SNTG1: variants seen among roughly 807,000 people sequenced by gnomAD.
SNTG1 encodes the protein gamma-1-syntrophin.
In SNTG1, 39 loss-of-function variants were observed where a neutral mutation model predicts 74.7. The observed-to-expected ratio is 0.52, with a 90% CI of 0.40 to 0.68. The LOEUF (loss-of-function observed/expected upper bound fraction) is 0.68. Ranked by LOEUF, SNTG1 falls within the 30% of genes least tolerant of loss-of-function variation. The pLI, the probability that SNTG1 is intolerant of heterozygous loss-of-function variation, is 0.00. For missense variants in SNTG1, 685 were observed against 609.5 expected (o/e 1.12, Z -1.30); for synonymous variants, 254 against 217.1 (o/e 1.17, Z -1.49).
intron 1 of SNTG1, among the ~76,000 whole-genome samples, chr8:50,065,900 G>T (rs577075791): frequency 6.6e-6 from 1 of 152,044 alleles, no homozygotes; most frequent in African/African-American, 2.4e-5. Flanking sequence ...CTCCTTTCCC[G>T]TGATAGTTTC....
intron 1 of SNTG1, among the ~76,000 whole-genome samples, chr8:50,140,216 G>A (rs987506197): frequency 6.6e-6 from 1 of 152,104 alleles, no homozygotes; most frequent in African/African-American, 2.4e-5. Flanking sequence ...TTTAAAGAGG[G>A]GTCAACTGAT....
At chr8:50,375,047 A>C (rs1268912285) in intron 2 of SNTG1, among the ~76,000 whole-genome samples, 1 of 152,204 alleles carries the variant, frequency 6.6e-6, no homozygotes, top group Non-Finnish European at 1.5e-5. Context: ...AGTAACATTT[A>C]AACAACATGT....
In SNTG1 at chr8:50,581,142, A is replaced by G. The variant is rs140521825; in HGVS notation, c.811-9737A>G. Reference sequence around the variant, plus strand: ...CCTAAAATATTATTCTTAATCATCCATCTTATCAAGAGCACATAAAATTAT... The same window carrying G: ...CCTAAAATATTATTCTTAATCATCCGTCTTATCAAGAGCACATAAAATTAT... On this transcript the variant is annotated intron_variant, in intron 12 of 18. Coordinates refer to ENST00000642720, the MANE Select transcript of SNTG1 (RefSeq NM_018967.5). 1.2e-4 allele frequency among the ~76,000 whole-genome samples: 18 copies of G among 152,346 alleles called. No individual in the cohort carries two copies. The East Asian group carries it at 3.3e-3, about 28-fold the overall frequency.
chr8:50,386,369 C>T (rs1050025438), intron 2 of SNTG1, among the ~76,000 whole-genome samples: 5 of 151,928 alleles, frequency 3.3e-5, no homozygotes, highest in African/African-American at 1.2e-4. Context: ...TGGTTTTTTC[C>T]CTTCTTTAAT....
At position 50,323,106 on chromosome 8, in the gene SNTG1, GGA is replaced by G. The variant is rs1491151407; in HGVS notation, c.-27-71105_-27-71104del. The stretch of plus-strand genomic sequence containing the variant: ...CTGGGCAACAGAGCAAGACTTGTCT[GGA>G]AAAAAAAAAAAAAAAGATACTCTGA... On this transcript the variant is annotated intron_variant, in intron 2 of 18. Coordinates refer to ENST00000642720, the MANE Select transcript of SNTG1 (RefSeq NM_018967.5). Among the ~76,000 whole-genome samples the G allele has an allele frequency of 4.9e-3, 209 of 42,450 alleles. No homozygotes were observed. In the East Asian group the frequency reaches 0.091, roughly 19 times the overall value. 27.8% of individuals were successfully genotyped at this position (42,450 alleles called of 152,430 possible).
intron 2 of SNTG1, among the ~76,000 whole-genome samples, chr8:50,200,605 C>T (rs766042171): frequency 1.3e-5 from 2 of 152,064 alleles, no homozygotes; most frequent in Non-Finnish European, 2.9e-5. Context: ...CCAGGGATGC[C>T]CTTCCTCAAC....
intron 11 of SNTG1, among the ~76,000 whole-genome samples, chr8:50,542,315 C>T (rs1403495529): frequency 2.6e-5 from 4 of 151,558 alleles, no homozygotes; most frequent in African/African-American, 7.3e-5. Flanking sequence ...CCCACCATGC[C>T]CTGCTAATTT....
chr8:50,229,131 A>G (rs1175897006), intron 2 of SNTG1, among the ~76,000 whole-genome samples: 1 of 151,582 alleles, frequency 6.6e-6, no homozygotes, highest in African/African-American at 2.4e-5. Context: ...CTAAAAATGT[A>G]TGGTGGATAT....
chr8:50,052,557 T>A (rs911803112), intron 1 of SNTG1, among the ~76,000 whole-genome samples: 1 of 151,950 alleles, frequency 6.6e-6, no homozygotes, highest in African/African-American at 2.4e-5. Flanking sequence ...AAGGAAAAAA[T>A]TTAAAAGTAG....
At chr8:50,765,403 G>T (rs1330471175) in intron 18 of SNTG1, among the ~76,000 whole-genome samples, 1 of 151,948 alleles carries the variant, frequency 6.6e-6, no homozygotes, top group African/African-American at 2.4e-5. Context: ...CCACTATCTT[G>T]TTTGGGGGAT....
intron 2 of SNTG1, among the ~76,000 whole-genome samples, chr8:50,254,867 A>T (rs1275998457): frequency 7.1e-6 from 1 of 141,324 alleles, no homozygotes; most frequent in Non-Finnish European, 1.6e-5. Flanking sequence ...AAAAAAAAAA[A>T]GAAAGAAAGA....
intron 2 of SNTG1, among the ~76,000 whole-genome samples, chr8:50,224,168 G>GTT (rs34793689): frequency 2.6e-5 from 4 of 152,080 alleles, no homozygotes; most frequent in Non-Finnish European, 5.9e-5. Flanking sequence ...GTACATTACA[G>GTT]AAAACTTAAA....
intron 2 of SNTG1, among the ~76,000 whole-genome samples, chr8:50,384,943 C>A (rs2092550629): frequency 6.6e-6 from 1 of 151,982 alleles, no homozygotes; most frequent in African/African-American, 2.4e-5. Flanking sequence ...GACTTGGTGT[C>A]CCATGGTTAA....
intron 15 of SNTG1, among the ~76,000 whole-genome samples, chr8:50,675,872 G>A (rs2095307644): frequency 6.6e-6 from 1 of 151,970 alleles, no homozygotes; most frequent in Admixed American, 6.6e-5. Flanking sequence ...AAATCTCTCA[G>A]CATTTGCTTG....
chr8:50,225,032 G>A (rs944935709), intron 2 of SNTG1, among the ~76,000 whole-genome samples: 3 of 151,822 alleles, frequency 2.0e-5, no homozygotes, highest in Admixed American at 6.6e-5. Flanking sequence ...GTGCAGTGGC[G>A]TGATCTCCAC....
rs115980753 is a variant in SNTG1 at position 50,633,196 on chromosome 8, G to T, written c.850-23713G>T. ...AATTTGAGAAAAGGGTATAGGAAGA[G>T]AATTGAAAAGTAAGTTCAAAAACAG... On this transcript the variant is annotated intron_variant, in intron 13 of 18. Transcript: ENST00000642720. Among the ~76,000 whole-genome samples, 671 of 152,312 alleles carry T rather than the reference G, an allele frequency of 4.4e-3. 5 individuals are homozygous for T. The highest frequency in any genetic ancestry group is 0.015 in the African/African-American group (636 of 41,564).
At chr8:50,606,729 T>A (rs1036057758) in intron 13 of SNTG1, among the ~76,000 whole-genome samples, 1 of 151,958 alleles carries the variant, frequency 6.6e-6, no homozygotes, top group Non-Finnish European at 1.5e-5. Context: ...CTTTAGCATG[T>A]TGATGAAATA....
At position 50,233,241 on chromosome 8, in the gene SNTG1, C is replaced by T. The variant is rs189224765; in HGVS notation, c.-28+60606C>T. On this transcript the variant is annotated intron_variant, in intron 2 of 18. Transcript: ENST00000642720. Reference sequence around the variant, plus strand: ...GATCAATGGACCGGAAGAGATGGCCCTAAAATAGTCACATACAAAAATGAC... The same window carrying T: ...GATCAATGGACCGGAAGAGATGGCCTTAAAATAGTCACATACAAAAATGAC... Among the ~76,000 whole-genome samples the T allele has an allele frequency of 2.3e-3, 346 of 151,458 alleles. 2 individuals are homozygous for T. Among genetic ancestry groups the T allele is most frequent in the African/African-American group, 7.9e-3 (329 of 41,448 alleles).
chr8:50,503,547 A>G (rs1056820600), intron 9 of SNTG1, among the ~76,000 whole-genome samples: 2 of 152,172 alleles, frequency 1.3e-5, no homozygotes, highest in South Asian at 4.1e-4. Context: ...CAGCCCAGAA[A>G]TGACTACTCA....
Sources: allele counts gnomAD v4.1 joint callset (sites outside exome capture counted in the v4.1 genomes callset), GRCh38; gene constraint gnomAD v4.1.1; transcripts MANE v1.5; gene names NCBI Gene and HGNC (gene_info 2026-07-23, HGNC 2026-07-21).